Variants in TXLNB observed in about 807,000 individuals in gnomAD.
TXLNB encodes the protein beta-taxilin.
TXLNB carries 37 observed loss-of-function variants against 57.4 expected under a neutral mutation model. That is an observed-to-expected ratio of 0.64 (90% confidence interval 0.50 to 0.85). The LOEUF (loss-of-function observed/expected upper bound fraction) is 0.85. Ranked by LOEUF, TXLNB falls within the 40% of genes least tolerant of loss-of-function variation. The probability of loss-of-function intolerance (pLI) is 0.00; values close to 1 mark genes in which losing one functional copy is unlikely to be tolerated. For missense variants in TXLNB, 848 were observed against 825.6 expected, an observed-to-expected ratio of 1.03 and a Z score of -0.33; for synonymous variants, 302 against 309.6, an observed-to-expected ratio of 0.98 and a Z score of 0.26.
downstream of TXLNB, among the ~76,000 whole-genome samples, chr6:139,235,307 A>G (rs1244614405): frequency 6.6e-6 from 1 of 152,174 alleles, no homozygotes; most frequent in African/African-American, 2.4e-5. Context: ...CATTTTGTCT[A>G]GGAAGTAACT....
chr6:139,232,596 C>A, the TXLNB span, among the ~76,000 whole-genome samples: 1 of 152,142 alleles, frequency 6.6e-6, no homozygotes, highest in Non-Finnish European at 1.5e-5. Context: ...TATATTAGAG[C>A]AATCTCAGGC....
chr6:139,185,805 T>G, the TXLNB span, among the ~76,000 whole-genome samples: 1 of 152,226 alleles, frequency 6.6e-6, no homozygotes, highest in Non-Finnish European at 1.5e-5. Context: ...TTTTTTCTAG[T>G]CCTTTTTCTT....
At chr6:139,221,597 G>C in the TXLNB span, among the ~76,000 whole-genome samples, 8 of 152,122 alleles carry the variant, frequency 5.3e-5, no homozygotes, top group East Asian at 1.5e-3. Flanking sequence ...ATATTGCAAT[G>C]ATCGGACGTG....
At chr6:139,196,960 G>A in the TXLNB span, among the ~76,000 whole-genome samples, 7 of 152,078 alleles carry the variant, frequency 4.6e-5, no homozygotes, top group Non-Finnish European at 1.0e-4. Flanking sequence ...CAGCTGACTA[G>A]CAATCTTGAT....
At chr6:139,235,300 T>A (rs1775824295), downstream of TXLNB, among the ~76,000 whole-genome samples, 1 of 152,016 alleles carries the variant, frequency 6.6e-6, no homozygotes, top group African/African-American at 2.4e-5. Flanking sequence ...ATACCCCCAT[T>A]TTGTCTAGGA....
chr6:139,171,790 CTTAT>C, the TXLNB span, among the ~76,000 whole-genome samples: 1 of 151,512 alleles, frequency 6.6e-6, no homozygotes, highest in Non-Finnish European at 1.5e-5. Context: ...CCACACTCGG[CTTAT>C]TTAATTTGTT....
chr6:139,193,822 T>TTATATATATATATA, the TXLNB span, among the ~76,000 whole-genome samples: 1 of 92,630 alleles, frequency 1.1e-5, no homozygotes, highest in South Asian at 3.8e-4. Flanking sequence ...CCTGGCTAAT[T>TTATATATATATATA]TATATATATA....
At chr6:139,193,839 TA>T in the TXLNB span, among the ~76,000 whole-genome samples, 1,378 of 55,672 alleles carry the variant, frequency 0.025, 33 homozygotes, top group African/African-American at 0.096. Flanking sequence ...TATATATATA[TA>T]TTTTTTTTTT....
At position 139,280,962 on chromosome 6, in the gene TXLNB, A is replaced by G. The variant is rs943423688; in HGVS notation, c.425-4041T>C. On this transcript the variant is annotated intron_variant, in intron 2 of 9. Transcript: ENST00000358430. ...TTCATGTATGCAGGGGATAGGAAGG[A>G]AAGTATTATTAAATTCACACTGGAT... is the stretch of plus-strand genomic sequence containing the variant. Among the ~76,000 whole-genome samples, 66 of 152,344 alleles carry G rather than the reference A, an allele frequency of 4.3e-4. 2 individuals are homozygous for G. Among genetic ancestry groups the G allele is most frequent in the African/African-American group, 1.4e-3 (60 of 41,594 alleles).
chr6:139,270,396 A>T, intron 4 of TXLNB, 60 bp downstream of exon 4: 1 of 1,487,634 alleles, frequency 6.7e-7, no homozygotes, highest in Non-Finnish European at 9.2e-7. Flanking sequence ...CATGAGTAGC[A>T]GAGGCCTGTC....
the TXLNB span, among the ~76,000 whole-genome samples, chr6:139,220,553 C>T: frequency 6.6e-6 from 1 of 152,148 alleles, no homozygotes; most frequent in Non-Finnish European, 1.5e-5. Context: ...GAGCTGGATC[C>T]ATATGTGTGT....
the TXLNB span, chr6:139,197,791 T>G: frequency 2.6e-5 from 4 of 152,216 alleles, no homozygotes; most frequent in Non-Finnish European, 5.9e-5. Context: ...AAGTTCGGTG[T>G]CTGCTGAAGC....
the TXLNB span, among the ~76,000 whole-genome samples, chr6:139,208,979 CG>C: frequency 7.2e-5 from 11 of 152,168 alleles, no homozygotes; most frequent in Admixed American, 3.9e-4. Flanking sequence ...ACATCCAAAT[CG>C]GTAAAGAGGA....
At chr6:139,202,422 G>A in the TXLNB span, among the ~76,000 whole-genome samples, 1 of 152,058 alleles carries the variant, frequency 6.6e-6, no homozygotes, top group Non-Finnish European at 1.5e-5. Context: ...TTGTTTTAAA[G>A]ATTATTAAAA....
At chr6:139,255,739 C>T in intron 6 of TXLNB, 101 bp from the exon 7 acceptor site, 1 of 835,634 alleles carries the variant, frequency 1.2e-6, no homozygotes, top group Non-Finnish European at 1.9e-6. Context: ...GCTCATTAAC[C>T]TCCTTAAGTA....
intron 6 of TXLNB, among the ~76,000 whole-genome samples, chr6:139,258,896 C>G (rs183937025): frequency 6.6e-6 from 1 of 152,248 alleles, no homozygotes; most frequent in East Asian, 1.9e-4. Context: ...CTTCTTGGAG[C>G]CTCAATTCTC....
intron 2 of TXLNB, among the ~76,000 whole-genome samples, chr6:139,283,812 A>G (rs1429831941): frequency 6.9e-6 from 1 of 145,790 alleles, no homozygotes; most frequent in African/African-American, 2.5e-5. Flanking sequence ...AAATGTGCCA[A>G]TAAAGCAAAT....
intron 4 of TXLNB, among the ~76,000 whole-genome samples, chr6:139,265,055 C>T (rs1364247094): frequency 1.3e-5 from 2 of 152,150 alleles, no homozygotes; most frequent in South Asian, 2.1e-4. Context: ...AAAAACCTTG[C>T]AAGCATCATT....
chr6:139,234,027 A>T, the TXLNB span, among the ~76,000 whole-genome samples: 2 of 152,216 alleles, frequency 1.3e-5, no homozygotes, highest in African/African-American at 4.8e-5. Flanking sequence ...GAACTAGAGT[A>T]AAGGTCACTC....
Sources: gnomAD v4.1 joint callset for allele counts (sites outside exome capture counted in the v4.1 genomes callset) on GRCh38, gnomAD v4.1.1 for gene constraint, MANE v1.5 for transcripts, NCBI Gene and HGNC (gene_info 2026-07-23, HGNC 2026-07-21) for gene names.